RAPGEF4: variants seen among roughly 807,000 people sequenced by gnomAD.
The protein encoded by RAPGEF4 is RAP guanine-nucleotide-exchange factor (GEF) 4.
Under a neutral mutation model 147.9 loss-of-function variants are expected in RAPGEF4, and 66 were observed. That is an observed-to-expected ratio of 0.45 (90% CI 0.37 to 0.55). The LOEUF is 0.55. Among genes scored for constraint, RAPGEF4 ranks in the 20% least tolerant of loss-of-function variants. The pLI is 0.00. For synonymous variants in RAPGEF4, 419 were observed against 442.7 expected (o/e 0.95, Z 0.67); for missense variants, 1,071 against 1,257.3 (o/e 0.85, Z 2.24).
chr2:173,027,306 T>A (rs1197736806), intron 25 of RAPGEF4, 47 bp downstream of exon 25: 1 of 1,476,838 alleles, frequency 6.8e-7, no homozygotes, highest in Non-Finnish European at 9.0e-7. Flanking sequence ...TTGAGCTGTG[T>A]TTTCATTTTG....
At chr2:173,041,792 C>G (rs1393206615) in intron 29 of RAPGEF4, among the ~76,000 whole-genome samples, 3 of 152,190 alleles carry the variant, frequency 2.0e-5, no homozygotes, top group Non-Finnish European at 4.4e-5. Flanking sequence ...CTTTTGGCCT[C>G]AGGGTTTTTT....
chr2:172,980,510 A>T (rs896026748), intron 10 of RAPGEF4, among the ~76,000 whole-genome samples: 5 of 152,218 alleles, frequency 3.3e-5, no homozygotes, highest in Non-Finnish European at 7.3e-5. Context: ...AATGTTCAAT[A>T]AAGCAGGAAG....
chr2:173,036,225 A>G lies in RAPGEF4; in HGVS notation c.2788+13A>G. 6.4e-7 allele frequency: 1 copy of G among 1,570,774 alleles called. No individual in the cohort carries two copies. Among genetic ancestry groups the G allele is most frequent in the East Asian group, 2.2e-5 (1 of 44,654 alleles). On this transcript the variant is annotated intron_variant, in intron 28 of 30. Transcript: ENST00000397081. ...TTGCTCATTAAAGGTAATCCTAATA[A>G]GATGCACAGGCCAAGCAGGTGATGA...
intron 3 of RAPGEF4, among the ~76,000 whole-genome samples, chr2:172,806,210 G>A (rs1687485599): frequency 1.3e-5 from 2 of 152,178 alleles, no homozygotes; most frequent in South Asian, 4.2e-4. Context: ...AAAGTAAAAA[G>A]GCTTTTCCAG....
At chr2:172,876,601 A>C (rs1399592134) in intron 4 of RAPGEF4, among the ~76,000 whole-genome samples, 1 of 152,190 alleles carries the variant, frequency 6.6e-6, no homozygotes, top group East Asian at 1.9e-4. Flanking sequence ...GATGAAGCCC[A>C]CTTGATCATG....
intron 3 of RAPGEF4, among the ~76,000 whole-genome samples, chr2:172,811,255 C>T (rs1181846600): frequency 6.6e-6 from 1 of 152,264 alleles, no homozygotes; most frequent in African/African-American, 2.4e-5. Context: ...CTACAGATGA[C>T]ATCAGGGGTG....
intron 17 of RAPGEF4, among the ~76,000 whole-genome samples, chr2:173,009,209 T>C (rs1191111903): frequency 5.3e-5 from 8 of 152,262 alleles, no homozygotes; most frequent in Non-Finnish European, 1.5e-5. Context: ...TTTGACATCT[T>C]GACAAGATGG....
At chr2:173,016,474 C>A in intron 19 of RAPGEF4, 37 bp downstream of exon 19, 1 of 1,510,438 alleles carries the variant, frequency 6.6e-7, no homozygotes, top group Non-Finnish European at 9.2e-7. Flanking sequence ...GTGCTTTCAT[C>A]AAGTAAATCT....
intron 25 of RAPGEF4, among the ~76,000 whole-genome samples, chr2:173,029,042 G>A (rs969939931): frequency 8.5e-5 from 13 of 152,192 alleles, no homozygotes; most frequent in Non-Finnish European, 1.8e-4. Context: ...ACACATAGAT[G>A]CGATTGTATA....
chr2:173,010,887 A>C (rs1394850072), intron 17 of RAPGEF4, among the ~76,000 whole-genome samples: 1 of 152,242 alleles, frequency 6.6e-6, no homozygotes, highest in Non-Finnish European at 1.5e-5. Context: ...GGATTCAGCT[A>C]TAAAAGAAGT....
chr2:172,872,274 C>T (rs887436785), intron 4 of RAPGEF4, among the ~76,000 whole-genome samples: 3 of 152,114 alleles, frequency 2.0e-5, no homozygotes, highest in Non-Finnish European at 4.4e-5. Context: ...TTATCTGTGA[C>T]GAACTATTAT....
chr2:172,778,282 T>A (rs1260055744), intron 1 of RAPGEF4, among the ~76,000 whole-genome samples: 1 of 152,214 alleles, frequency 6.6e-6, no homozygotes, highest in Non-Finnish European at 1.5e-5. Context: ...AGAATGCCTC[T>A]GTTATTTTTG....
chr2:172,970,182 CTTT>C (rs71018527), intron 10 of RAPGEF4, among the ~76,000 whole-genome samples: 5 of 140,032 alleles, frequency 3.6e-5, no homozygotes, highest in Admixed American at 1.4e-4. Flanking sequence ...CACACACACC[CTTT>C]TTTTTTTTTT....
chr2:173,016,250 G>A (rs1695498259), intron 18 of RAPGEF4, 99 bp from the exon 19 acceptor site: 2 of 768,418 alleles, frequency 2.6e-6, no homozygotes, highest in Non-Finnish European at 4.5e-6. Flanking sequence ...GGAGATGCTG[G>A]TGAAGCAGAT....
At chr2:172,881,392 T>C (rs547973167) in intron 4 of RAPGEF4, among the ~76,000 whole-genome samples, 21 of 152,356 alleles carry the variant, frequency 1.4e-4, no homozygotes, top group African/African-American at 5.0e-4. Flanking sequence ...TCCACATTGG[T>C]TGAATTCTTT....
chr2:172,937,244 G>T (rs1328668226), intron 6 of RAPGEF4, among the ~76,000 whole-genome samples: 3 of 151,690 alleles, frequency 2.0e-5, no homozygotes, highest in Non-Finnish European at 4.4e-5. Context: ...AAAGTCTGTA[G>T]TTTATTTAGA....
intron 17 of RAPGEF4, among the ~76,000 whole-genome samples, chr2:173,011,112 C>T (rs1330529665): frequency 2.7e-5 from 4 of 150,808 alleles, no homozygotes; most frequent in African/African-American, 4.9e-5. Flanking sequence ...GGTGCTCAGC[C>T]CTGGTGACTA....
chr2:172,757,976 T>C (rs148129183), intron 1 of RAPGEF4, among the ~76,000 whole-genome samples: 64 of 152,200 alleles, frequency 4.2e-4, no homozygotes, highest in African/African-American at 1.5e-3. Flanking sequence ...ACATAATAAA[T>C]AAATTATATC....
At chr2:172,820,293 A>G (rs1688944962) in intron 4 of RAPGEF4, among the ~76,000 whole-genome samples, 1 of 152,240 alleles carries the variant, frequency 6.6e-6, no homozygotes, top group Non-Finnish European at 1.5e-5. Flanking sequence ...GTTCAATTGC[A>G]TGAACACCAT....
Sources: allele counts gnomAD v4.1 joint callset (sites outside exome capture counted in the v4.1 genomes callset), GRCh38; gene constraint gnomAD v4.1.1; transcripts MANE v1.5; gene names NCBI Gene and HGNC (gene_info 2026-07-23, HGNC 2026-07-21).